Variants in AJUBA observed in about 807,000 individuals in gnomAD.
AJUBA encodes LIM domain-containing protein ajuba.
Under a neutral mutation model 53.3 loss-of-function variants are expected in AJUBA, and 20 were observed. That is an observed-to-expected ratio of 0.38 (90% CI 0.26 to 0.55). The LOEUF (loss-of-function observed/expected upper bound fraction) is 0.55. AJUBA is among the 20% of genes least tolerant of loss of function. AJUBA has a pLI of 0.80. For missense variants in AJUBA, 580 were observed against 730.5 expected (o/e 0.79, Z 2.38); for synonymous variants, 296 against 306.2 (o/e 0.97, Z 0.35).
intron 1 of AJUBA, 23 bp downstream of exon 1, chr14:22,981,238 C>A: frequency 6.3e-7 from 1 of 1,577,426 alleles, no homozygotes; most frequent in Non-Finnish European, 8.6e-7. Flanking sequence ...CCCTTCCCGT[C>A]CCTAACCACT....
In AJUBA at chr14:22,981,916, G is replaced by T; in HGVS notation, c.351C>A (p.Ala117=). 6.4e-7 allele frequency: 1 copy of T among 1,555,532 alleles called. No individual in the cohort carries two copies. Among genetic ancestry groups the T allele is most frequent in the African/African-American group, 1.4e-5 (1 of 73,568 alleles). ...TGGCGAAGCTAGAGCGGGGGCTGAG[G>T]GCCGGGGCCGTGGGCTCCAGCCGAA... is the stretch of plus-strand genomic sequence containing the variant. ...PDFRLEPTAP[A]LSPRSSFASS... Residue 117 remains alanine, a synonymous_variant, in exon 1 of 8, where the codon GCC becomes GCA. Coordinates refer to ENST00000262713, the MANE Select transcript of AJUBA (RefSeq NM_032876.6).
intron 1 of AJUBA, 63 bp from the exon 2 acceptor site, chr14:22,978,508 C>G: frequency 6.4e-6 from 10 of 1,574,470 alleles, no homozygotes; most frequent in Non-Finnish European, 6.9e-6. Context: ...CCCAAGCTTT[C>G]CTGACTGCCC....
intron 2 of AJUBA, chr14:22,977,643 G>A (rs1412851187): frequency 1.3e-5 from 2 of 152,412 alleles, no homozygotes; most frequent in Non-Finnish European, 2.9e-5. Flanking sequence ...GAACCAGGCA[G>A]AAACTGGGGG....
intron 2 of AJUBA, 21 bp downstream of exon 2, chr14:22,978,323 G>A: frequency 1.9e-6 from 3 of 1,600,450 alleles, no homozygotes; most frequent in Non-Finnish European, 2.6e-6. Context: ...GGGAGTGCTT[G>A]AGTATTGGGG....
intron 2 of AJUBA, chr14:22,977,029 G>T: frequency 8.1e-7 from 1 of 1,240,262 alleles, no homozygotes; most frequent in Non-Finnish European, 1.0e-6. Context: ...GGAGAGTAAA[G>T]CCAACTACGT....
At chr14:22,978,264 C>A in intron 2 of AJUBA, 80 bp downstream of exon 2, 1 of 1,361,948 alleles carries the variant, frequency 7.3e-7, no homozygotes, top group Non-Finnish European at 1.0e-6. Context: ...GGCACAAGCT[C>A]TCCTCCTGTT....
At position 22,973,000 on chromosome 14, in the gene AJUBA, A is replaced by G. The variant is rs916941610; in HGVS notation, c.*443T>C. On this transcript the variant is annotated 3_prime_UTR_variant, in exon 8 of 8. Coordinates refer to ENST00000262713, the MANE Select transcript of AJUBA (RefSeq NM_032876.6). ...CAGAACATTGCGTGACTCATGCATAATCATACACTAGGCCAGACACAGTGG... is the reference window on the plus strand; with the variant it reads ...CAGAACATTGCGTGACTCATGCATAGTCATACACTAGGCCAGACACAGTGG... The G allele has an allele frequency of 1.1e-5, 2 of 176,972 alleles. No homozygotes were observed. The highest frequency in any genetic ancestry group is 4.7e-5 in the African/African-American group (2 of 42,182). The allele number at this position is 176,972 out of a possible 1,614,324, so 11.0% of individuals were successfully genotyped here.
intron 1 of AJUBA, 102 bp from the exon 2 acceptor site, chr14:22,978,547 C>T: frequency 6.6e-7 from 1 of 1,510,812 alleles, no homozygotes. Flanking sequence ...GTCACAGTCT[C>T]CCTTTGATGG....
At position 22,979,008 on chromosome 14, in the gene AJUBA, G is replaced by A. The variant is rs1398986236; in HGVS notation, c.1007-563C>T. The A allele has an allele frequency of 8.5e-6, 11 of 1,289,176 alleles. No individual in the cohort carries two copies. The highest frequency in any genetic ancestry group is 3.0e-5 in the African/African-American group (2 of 65,968). The allele number at this position is 1,289,176 out of a possible 1,614,324, so 79.9% of individuals were successfully genotyped here. ...AGGATCTGGCTTGGCAGAGGGCTCC[G>A]TGCAGAGGGGACCATGTGAGCATGA... On this transcript the variant is annotated intron_variant, in intron 1 of 7. Transcript: ENST00000262713. The surrounding 1 kb of genome is among the most constrained non-coding windows in gnomAD (Gnocchi z 4.0).
At position 22,974,039 on chromosome 14, in the gene AJUBA, A is replaced by G. The variant is rs1036500085; in HGVS notation, c.1491+8T>C. On this transcript the variant is annotated splice_region_variant and intron_variant, in intron 7 of 7. Coordinates refer to ENST00000262713, the MANE Select transcript of AJUBA (RefSeq NM_032876.6). ...TCTTCTCCAGCACCGCTGAACCCCA[A>G]CACTCACCTCACAGTGGTAGCACTC... 7 of 1,613,826 alleles carry G rather than the reference A, an allele frequency of 4.3e-6. No individual in the cohort carries two copies. The African/African-American group carries it at 9.4e-5, about 22-fold the overall frequency.
intron 1 of AJUBA, 67 bp from the exon 2 acceptor site, chr14:22,978,512 A>T: frequency 1.3e-6 from 2 of 1,572,606 alleles, no homozygotes; most frequent in Non-Finnish European, 1.7e-6. Context: ...AGCTTTCCTG[A>T]CTGCCCTTTC....
chr14:22,979,971 C>A lies in AJUBA; in HGVS notation c.1006+1290G>T, dbSNP rs1396625469. ...CATCATCTCCTCTGGGCTTTCCTCT[C>A]GGTGGATTTGGAGGTGGGGAAAAGA... On this transcript the variant is annotated intron_variant, in intron 1 of 7. Transcript: ENST00000262713. The surrounding 1 kb of genome is among the most constrained non-coding windows in gnomAD (Gnocchi z 4.0). Among the ~76,000 whole-genome samples the A allele has an allele frequency of 6.6e-6, 1 of 151,310 alleles. No individual in the cohort carries two copies. The highest frequency in any genetic ancestry group is 2.1e-4 in the South Asian group (1 of 4,762).
chr14:22,978,783 A>G, intron 1 of AJUBA: 2 of 1,203,028 alleles, frequency 1.7e-6, no homozygotes, highest in Non-Finnish European at 2.1e-6. Flanking sequence ...CAGGCAAGGT[A>G]TGATCTCTGT....
chr14:22,976,833 ACTG>A (rs2045041704), intron 2 of AJUBA, 121 bp from the exon 3 acceptor site: 1 of 1,474,464 alleles, frequency 6.8e-7, no homozygotes, highest in African/African-American at 1.4e-5. Flanking sequence ...TTTCCTCCTA[ACTG>A]CTGTCTGTCC....
chr14:22,981,473 G>A lies in AJUBA; in HGVS notation c.794C>T (p.Thr265Ile), dbSNP rs2045093980. The A allele has an allele frequency of 6.2e-7, 1 of 1,604,908 alleles. No individual in the cohort carries two copies. Among genetic ancestry groups the A allele is most frequent in the Admixed American group, 1.7e-5 (1 of 59,206 alleles). The change falls in exon 1 of 8, where the codon ACC becomes ATC. Residue 265 changes from threonine (T) to isoleucine (I), a missense_variant. Transcript: ENST00000262713. The part of the protein sequence containing the change: ...RGAQPGRHSV[T>I]GYGDCAVGAR... ...GCCCACGGCGCAGTCCCCGTAGCCG[G>A]TCACAGAGTGTCGTCCGGGTTGCGC...
chr14:22,979,674 G>T lies in AJUBA; in HGVS notation c.1007-1229C>A, dbSNP rs1320180492. ...TGCCCCAAGATTGCCATGCCAGGGG[G>T]TCCTGTCGGAGCCATTCTTTAGGAA... On this transcript the variant is annotated intron_variant, in intron 1 of 7. Coordinates refer to ENST00000262713, the MANE Select transcript of AJUBA (RefSeq NM_032876.6). This position sits in a 1 kb window ranked among gnomAD's most constrained non-coding sequence, Gnocchi z 4.0. Among the ~76,000 whole-genome samples the T allele has an allele frequency of 6.6e-6, 1 of 152,194 alleles. No individual in the cohort carries two copies. The highest frequency in any genetic ancestry group is 1.5e-5 in the Non-Finnish European group (1 of 68,026).
chr14:22,974,018 C>T, intron 7 of AJUBA, 29 bp downstream of exon 7: 3 of 1,613,854 alleles, frequency 1.9e-6, no homozygotes, highest in Non-Finnish European at 8.5e-7. Context: ...TCCACTTCTT[C>T]TCCAGCACCG....
At position 22,981,621 on chromosome 14, in the gene AJUBA, C is replaced by G. The variant is rs559096791; in HGVS notation, c.646G>C (p.Ala216Pro). The part of the protein sequence containing the change: ...ELHAALDRLY[A>P]QRPAGFGCQE... Reference sequence around the variant, plus strand: ...CAGCCGAACCCCGCGGGCCGCTGAGCGTACAATCGGTCCAGGGCGGCGTGG... The same window carrying G: ...CAGCCGAACCCCGCGGGCCGCTGAGGGTACAATCGGTCCAGGGCGGCGTGG... The change falls in exon 1 of 8, where the codon GCT (alanine) becomes CCT (proline). Residue 216 changes from alanine to proline, a missense_variant. Ala to Pro is a conservative substitution (Grantham distance 27). Coordinates refer to ENST00000262713, the MANE Select transcript of AJUBA (RefSeq NM_032876.6). 2.6e-6 allele frequency: 4 copies of G among 1,529,016 alleles called. No individual in the cohort carries two copies. The African/African-American group carries it at 4.1e-5, about 16-fold the overall frequency. The allele number at this position is 1,529,016 out of a possible 1,614,324, so 94.7% of individuals were successfully genotyped here. A position where few individuals can be genotyped will look rare whatever the true frequency, so the allele number is the denominator to read the frequency against.
At position 22,971,310 on chromosome 14, in the gene AJUBA, C is replaced by T. The variant is rs924772886; in HGVS notation, c.*2133G>A. On this transcript the variant is annotated 3_prime_UTR_variant, in exon 8 of 8. Coordinates refer to ENST00000262713, the MANE Select transcript of AJUBA (RefSeq NM_032876.6). Reference sequence around the variant, plus strand: ...CAACAAGGTGCATTTTCCCCTCTGGCGCTCAGTTGTATAAATCTGACCTCT... The same window carrying T: ...CAACAAGGTGCATTTTCCCCTCTGGTGCTCAGTTGTATAAATCTGACCTCT... The T allele has an allele frequency of 3.9e-5, 6 of 152,016 alleles. No individual in the cohort carries two copies. Among genetic ancestry groups the T allele is most frequent in the East Asian group, 1.9e-4 (1 of 5,184 alleles). The allele number at this position is 152,016 out of a possible 1,614,324, so 9.4% of individuals were successfully genotyped here. A position where few individuals can be genotyped will look rare whatever the true frequency, so the allele number is the denominator to read the frequency against.
Sources: allele counts gnomAD v4.1 joint callset (sites outside exome capture counted in the v4.1 genomes callset), GRCh38; gene constraint gnomAD v4.1.1; non-coding constraint Gnocchi (gnomAD v3.1); transcripts MANE v1.5; gene names NCBI Gene and HGNC (gene_info 2026-07-23, HGNC 2026-07-21).